NALF1: variants seen among roughly 807,000 people sequenced by gnomAD.
NALF1 encodes family with sequence similarity 155 member A.
Under a neutral mutation model 48.4 loss-of-function variants are expected in NALF1, and 3 were observed. The ratio of observed to expected loss-of-function variants is 0.06; its 90% confidence interval spans 0.03 to 0.16. The LOEUF (loss-of-function observed/expected upper bound fraction) is 0.16, where lower values mean the gene tolerates loss of function less well. Ranked by LOEUF, NALF1 falls within the 10% of genes least tolerant of loss-of-function variation. The pLI, the probability that NALF1 is intolerant of heterozygous loss-of-function variation, is 1.00. For synonymous variants in NALF1, 262 were observed against 245.7 expected (o/e 1.07, Z -0.62); for missense variants, 526 against 571.5 (o/e 0.92, Z 0.81).
chr13:107,618,306 A>C (rs1390367556), intron 1 of NALF1, among the ~76,000 whole-genome samples: 1 of 152,196 alleles, frequency 6.6e-6, no homozygotes, highest in African/African-American at 2.4e-5. Context: ...AAATTGTTAT[A>C]AACTGGACCT....
At chr13:107,213,922 A>G (rs1879819928) in intron 1 of NALF1, among the ~76,000 whole-genome samples, 2 of 152,320 alleles carry the variant, frequency 1.3e-5, no homozygotes, top group Non-Finnish European at 2.9e-5. Flanking sequence ...CCAGGTGCCA[A>G]TGACGATGGA....
chr13:107,328,103 G>T (rs926333606), intron 1 of NALF1, among the ~76,000 whole-genome samples: 2 of 151,978 alleles, frequency 1.3e-5, no homozygotes, highest in East Asian at 3.9e-4. Context: ...GTAAAGATGG[G>T]TCTCACTATG....
intron 1 of NALF1, among the ~76,000 whole-genome samples, chr13:107,302,915 G>A (rs1447573367): frequency 6.6e-6 from 1 of 152,128 alleles, no homozygotes; most frequent in East Asian, 1.9e-4. Flanking sequence ...TTGTTAGCTT[G>A]AAGAATGTGC....
intron 1 of NALF1, among the ~76,000 whole-genome samples, chr13:107,387,024 C>T (rs78483431): frequency 0.013 from 1,915 of 152,162 alleles, 36 homozygotes; most frequent in African/African-American, 0.044. Flanking sequence ...TGAAAAGCAA[C>T]AACAACAACA....
At chr13:107,234,820 A>G (rs1290818459) in intron 1 of NALF1, among the ~76,000 whole-genome samples, 12 of 152,200 alleles carry the variant, frequency 7.9e-5, no homozygotes, top group Admixed American at 7.8e-4. Flanking sequence ...CTGGCCTATG[A>G]CATCTCTATT....
chr13:107,774,477 A>G (rs1021517247), intron 1 of NALF1, among the ~76,000 whole-genome samples: 3 of 152,208 alleles, frequency 2.0e-5, no homozygotes, highest in Admixed American at 2.0e-4. Context: ...ATGTTCCGTT[A>G]TCTTTTCCTG....
intron 1 of NALF1, among the ~76,000 whole-genome samples, chr13:107,246,707 A>G (rs1216881262): frequency 6.6e-6 from 1 of 152,188 alleles, no homozygotes; most frequent in East Asian, 1.9e-4. Flanking sequence ...GAACAAGCCT[A>G]TTTAAACAAA....
At chr13:107,311,978 T>G (rs1882055032) in intron 1 of NALF1, among the ~76,000 whole-genome samples, 1 of 152,206 alleles carries the variant, frequency 6.6e-6, no homozygotes, top group African/African-American at 2.4e-5. Context: ...TTGGTGGGAC[T>G]GTAAACTAGT....
intron 1 of NALF1, among the ~76,000 whole-genome samples, chr13:107,819,299 T>A (rs73587774): frequency 0.035 from 5,344 of 152,274 alleles, 347 homozygotes; most frequent in African/African-American, 0.12. Context: ...ACACAATGGC[T>A]GGCACATAAA....
intron 2 of NALF1, among the ~76,000 whole-genome samples, chr13:107,203,606 A>T (rs187876222): frequency 0.099 from 13,413 of 134,860 alleles, 802 homozygotes; most frequent in African/African-American, 0.17. Flanking sequence ...GCTGTGCTCC[A>T]TCCCCGTGGT....
At chr13:107,356,155 C>CTTCAGAGA (rs1164677707) in intron 1 of NALF1, among the ~76,000 whole-genome samples, 2 of 152,132 alleles carry the variant, frequency 1.3e-5, no homozygotes, top group Non-Finnish European at 2.9e-5. Flanking sequence ...ACCTCAGAAA[C>CTTCAGAGA]TTCAGAGATT....
intron 1 of NALF1, among the ~76,000 whole-genome samples, chr13:107,405,456 G>T (rs147822586): frequency 6.6e-6 from 1 of 151,964 alleles, no homozygotes; most frequent in African/African-American, 2.4e-5. Flanking sequence ...TCTGTTGATT[G>T]ATCCACATGT....
At chr13:107,385,664 T>C (rs1594148468) in intron 1 of NALF1, among the ~76,000 whole-genome samples, 1 of 152,144 alleles carries the variant, frequency 6.6e-6, no homozygotes, top group East Asian at 1.9e-4. Flanking sequence ...ACTGAAAGTT[T>C]CTTAAAATAA....
At chr13:107,555,264 A>G (rs529463710) in intron 1 of NALF1, among the ~76,000 whole-genome samples, 1 of 131,218 alleles carries the variant, frequency 7.6e-6, no homozygotes, top group Non-Finnish European at 1.6e-5. Context: ...ATTTATTATT[A>G]ATTAATTAAT....
intron 1 of NALF1, among the ~76,000 whole-genome samples, chr13:107,621,216 T>G (rs1430560067): frequency 1.3e-5 from 2 of 152,184 alleles, no homozygotes; most frequent in Non-Finnish European, 1.5e-5. Flanking sequence ...CTGCAGTCCA[T>G]TATTAACTAG....
At chr13:107,366,742 C>T (rs576009913) in intron 1 of NALF1, among the ~76,000 whole-genome samples, 2 of 152,308 alleles carry the variant, frequency 1.3e-5, no homozygotes, top group Admixed American at 1.3e-4. Context: ...TAGGGTTGGT[C>T]CGACATCCCA....
In NALF1 at chr13:107,706,982, G is replaced by A. The variant is rs554877941; in HGVS notation, c.915+158700C>T. On this transcript the variant is annotated intron_variant, in intron 1 of 2. Transcript: ENST00000375915. ...CTGTCGCCCAGGCTGGAGTGCAGTG[G>A]CGTGATCTCGGCTCACTGCAAGCTC... 5.3e-5 allele frequency among the ~76,000 whole-genome samples: 7 copies of A among 132,036 alleles called. No homozygotes were observed. The South Asian group carries it at 1.8e-3, about 33-fold the overall frequency. 86.6% of individuals were successfully genotyped at this position (132,036 alleles called of 152,430 possible). A position where few individuals can be genotyped will look rare whatever the true frequency, so the allele number is the denominator to read the frequency against.
intron 1 of NALF1, among the ~76,000 whole-genome samples, chr13:107,634,966 A>C (rs2138452111): frequency 6.6e-6 from 1 of 152,294 alleles, no homozygotes; most frequent in East Asian, 1.9e-4. Flanking sequence ...TTACACAAAC[A>C]AGCTGAAGGG....
At chr13:107,445,603 G>C (rs1884636645) in intron 1 of NALF1, among the ~76,000 whole-genome samples, 1 of 152,142 alleles carries the variant, frequency 6.6e-6, no homozygotes. Context: ...TGGTTCATAT[G>C]GTAAGTATGT....
Sources: allele counts gnomAD v4.1 joint callset (sites outside exome capture counted in the v4.1 genomes callset), GRCh38; gene constraint gnomAD v4.1.1; transcripts MANE v1.5; gene names NCBI Gene and HGNC (gene_info 2026-07-23, HGNC 2026-07-21).